The following ELP1 variants were observed in gnomAD, a reference collection of about 807,000 sequenced individuals.
The protein encoded by ELP1 is elongator acetyltransferase complex subunit 1.
Under a neutral mutation model 183.2 loss-of-function variants are expected in ELP1, and 131 were observed. The observed-to-expected ratio is 0.72, with a 90% confidence interval of 0.62 to 0.83. The LOEUF (loss-of-function observed/expected upper bound fraction) is 0.83. ELP1 is among the 40% of genes least tolerant of loss of function. The pLI is 0.00. For missense variants in ELP1, 1,550 were observed against 1,594.9 expected (o/e 0.97, Z 0.48); for synonymous variants, 555 against 569.0 (o/e 0.98, Z 0.35).
At chr9:108,927,696 T>C (rs976203318) in intron 3 of ELP1, among the ~76,000 whole-genome samples, 1 of 152,168 alleles carries the variant, frequency 6.6e-6, no homozygotes, top group Non-Finnish European at 1.5e-5. Flanking sequence ...TGGAGTACTA[T>C]TCAGCCATAA....
intron 5 of ELP1, among the ~76,000 whole-genome samples, chr9:108,923,319 C>T (rs1401822524): frequency 6.6e-6 from 1 of 152,144 alleles, no homozygotes; most frequent in Admixed American, 6.5e-5. Context: ...CTGCAGTGAG[C>T]CCTGATTGTA....
chr9:108,917,901 C>T (rs1182576193), intron 8 of ELP1, among the ~76,000 whole-genome samples: 1 of 152,152 alleles, frequency 6.6e-6, no homozygotes, highest in African/African-American at 2.4e-5. Flanking sequence ...TCCTGTTTTA[C>T]ACAGAGGCTC....
chr9:108,890,863 T>C (rs925787660), intron 28 of ELP1, among the ~76,000 whole-genome samples: 4 of 152,222 alleles, frequency 2.6e-5, no homozygotes, highest in African/African-American at 9.6e-5. Context: ...GTAAATGTTT[T>C]ACCATGATTC....
intron 1 of ELP1, among the ~76,000 whole-genome samples, chr9:108,933,028 C>T (rs1476574752): frequency 6.6e-6 from 1 of 152,210 alleles, no homozygotes. Flanking sequence ...AGGTAGATCA[C>T]CAATACGCTG....
chr9:108,876,090 A>C (rs2118928679), intron 35 of ELP1, among the ~76,000 whole-genome samples: 1 of 152,144 alleles, frequency 6.6e-6, no homozygotes, highest in East Asian at 1.9e-4. Flanking sequence ...AGCGGGGACA[A>C]CTTGGTGACA....
chr9:108,913,500 C>G (rs894930453), intron 10 of ELP1, among the ~76,000 whole-genome samples: 8 of 152,176 alleles, frequency 5.3e-5, no homozygotes, highest in African/African-American at 1.9e-4. Context: ...AATCTCCTTG[C>G]TCACTAATGC....
chr9:108,873,653 C>T (rs1387962960), intron 36 of ELP1, among the ~76,000 whole-genome samples: 1 of 152,150 alleles, frequency 6.6e-6, no homozygotes, highest in Non-Finnish European at 1.5e-5. Context: ...GCAGAAATCA[C>T]AACTGGATTG....
intron 10 of ELP1, among the ~76,000 whole-genome samples, chr9:108,914,876 C>T (rs139202081): frequency 1.3e-5 from 2 of 152,162 alleles, no homozygotes; most frequent in African/African-American, 2.4e-5. Context: ...CCGCCCGCCT[C>T]GGCCTCCCAA....
intron 11 of ELP1, 65 bp from the exon 12 acceptor site, chr9:108,911,245 G>T: frequency 7.1e-7 from 1 of 1,417,990 alleles, no homozygotes; most frequent in Non-Finnish European, 9.9e-7. Flanking sequence ...TAAGCCATCT[G>T]AACATCACAG....
At chr9:108,875,846 C>A in intron 35 of ELP1, 1 of 275,342 alleles carries the variant, frequency 3.6e-6, no homozygotes, top group Non-Finnish European at 7.3e-6. Flanking sequence ...CGAGGCTGCA[C>A]CAAGCCATGA....
chr9:108,873,745 G>A (rs1338322137), intron 36 of ELP1, among the ~76,000 whole-genome samples: 1 of 152,172 alleles, frequency 6.6e-6, no homozygotes, highest in African/African-American at 2.4e-5. Context: ...AGTGGGCTGG[G>A]CACAGGGGCA....
intron 14 of ELP1, among the ~76,000 whole-genome samples, chr9:108,905,484 G>A (rs1484124378): frequency 2.0e-5 from 3 of 152,148 alleles, no homozygotes; most frequent in Non-Finnish European, 4.4e-5. Context: ...CAGGCCCAGA[G>A]AACAGTGAAA....
rs1488616866 is a variant in ELP1, at chr9:108,934,035, G to A, written c.-227C>T. On this transcript the variant is annotated 5_prime_UTR_variant, in exon 1 of 37. Coordinates refer to ENST00000374647, the MANE Select transcript of ELP1 (RefSeq NM_003640.5). The stretch of plus-strand genomic sequence containing the variant: ...ACGGCACTAGGCCTCCAAGGATGGA[G>A]GCGCCCTCCAGGGGAAAACGCTGAA... 2 of 163,490 alleles carry A rather than the reference G, an allele frequency of 1.2e-5. No homozygotes were observed. The highest frequency in any genetic ancestry group is 4.8e-5 in the African/African-American group (2 of 41,522). The allele number at this position is 163,490 out of a possible 1,614,324, so 10.1% of individuals were successfully genotyped here.
chr9:108,884,933 T>G (rs963371640), intron 29 of ELP1, among the ~76,000 whole-genome samples: 1 of 151,910 alleles, frequency 6.6e-6, no homozygotes, highest in East Asian at 1.9e-4. Context: ...AATTAAAAAT[T>G]AGCCAGGCAT....
chr9:108,876,044 G>A (rs142246220), intron 35 of ELP1, among the ~76,000 whole-genome samples: 22 of 152,196 alleles, frequency 1.4e-4, no homozygotes, highest in Admixed American at 7.2e-4. Flanking sequence ...GAGGTGAGGT[G>A]GGCAGACCAC....
In ELP1 at chr9:108,927,405, T is replaced by TC; in HGVS notation, c.351dup (p.Ser118GlufsTer3). 1 of 1,613,914 alleles carries TC rather than the reference T, an allele frequency of 6.2e-7. No homozygotes were observed. Among genetic ancestry groups the TC allele is most frequent in the Non-Finnish European group, 8.5e-7 (1 of 1,179,842 alleles). On this transcript the variant is annotated frameshift_variant, in exon 4 of 37. Transcript: ENST00000374647. LOFTEE classifies it high-confidence loss of function. ...AGAAGCACCAGCTCTTGGTCAGGACTCCAACTCATAACAGAGATACCACTG... is the reference window on the plus strand; with the variant it reads ...AGAAGCACCAGCTCTTGGTCAGGACTCCCAACTCATAACAGAGATACCACTG...
At chr9:108,895,491 G>A (rs939603832) in intron 25 of ELP1, among the ~76,000 whole-genome samples, 2 of 152,166 alleles carry the variant, frequency 1.3e-5, no homozygotes, top group African/African-American at 2.4e-5. Context: ...GTGGTGGTGA[G>A]GGGCAAGGGA....
chr9:108,916,203 C>G lies in ELP1; in HGVS notation c.958+1G>C. 6.2e-7 allele frequency: 1 copy of G among 1,612,624 alleles called. No individual in the cohort carries two copies. Among genetic ancestry groups the G allele is most frequent in the Admixed American group, 1.7e-5 (1 of 60,016 alleles). On this transcript the variant is annotated splice_donor_variant, in intron 10 of 36. Transcript: ENST00000374647. LOFTEE classifies it high-confidence loss of function. ...AGGCTGGGGTACTACAGCTGTCTTA[C>G]CACAGGTTTTCGGAATGGAGCTTTC...
At chr9:108,925,063 T>C (rs529454619) in intron 5 of ELP1, among the ~76,000 whole-genome samples, 1 of 152,326 alleles carries the variant, frequency 6.6e-6, no homozygotes, top group East Asian at 1.9e-4. Context: ...GAATGATTCC[T>C]GCTTCTAGCC....
Sources: gnomAD v4.1 joint callset for allele counts (sites outside exome capture counted in the v4.1 genomes callset) on GRCh38, gnomAD v4.1.1 for gene constraint, MANE v1.5 for transcripts, NCBI Gene and HGNC (gene_info 2026-07-23, HGNC 2026-07-21) for gene names.